TWIST1: variants seen among roughly 807,000 people sequenced by gnomAD.
The protein encoded by TWIST1 is twist family bHLH transcription factor 1.
Under a neutral mutation model 12.9 loss-of-function variants are expected in TWIST1, and 8 were observed. The observed-to-expected ratio is 0.62, with a 90% CI of 0.37 to 1.12. The LOEUF is 1.12. Ranked by LOEUF, TWIST1 falls within the 50% of genes most tolerant of loss-of-function variation. The pLI, the probability that TWIST1 is intolerant of heterozygous loss-of-function variation, is 0.02. For missense variants in TWIST1, 268 were observed against 299.7 expected (o/e 0.89, Z 0.78); for synonymous variants, 169 against 138.7 (o/e 1.22, Z -1.54).
At chr7:19,113,143 G>A (rs1488834713), downstream of TWIST1, 3 of 152,260 alleles carry the variant, frequency 2.0e-5, no homozygotes, top group South Asian at 4.1e-4. Context: ...ATGTGCTTCT[G>A]TGAACAAAAG....
chr7:19,114,716 C>G (rs182422950), downstream of TWIST1, among the ~76,000 whole-genome samples: 9 of 152,206 alleles, frequency 5.9e-5, no homozygotes, highest in East Asian at 1.2e-3. Context: ...AACTGCATAG[C>G]TGTAGTATTT....
rs1479060886 is a variant in TWIST1, at chr7:19,117,327, G to C, written c.-6C>G. 2 of 1,458,698 alleles carry C rather than the reference G, an allele frequency of 1.4e-6. No individual in the cohort carries two copies. Among genetic ancestry groups the C allele is most frequent in the East Asian group, 3.0e-5 (1 of 33,304 alleles). 90.4% of individuals were successfully genotyped at this position (1,458,698 alleles called of 1,614,324 possible). On this transcript the variant is annotated 5_prime_UTR_variant, in exon 1 of 2. Transcript: ENST00000242261. ...CTGGACACGTCCTGCATCATCTCTC[G>C]AGCGGCGACGCGTGGCCTCGCGGGC...
Position 19,116,952 on chromosome 7 carries a change from G to A in TWIST1, c.370C>T (p.Leu124=), listed in dbSNP as rs1563160034. The change falls in exon 1 of 2, where the codon CTG becomes TTG. Residue 124 remains leucine, a synonymous_variant. Transcript: ENST00000242261. The part of the protein sequence containing the change: ...NVRERQRTQS[L]NEAFAALRKI... The stretch of plus-strand genomic sequence containing the variant: ...CGCAGCGCGGCGAACGCCTCGTTCA[G>A]CGACTGGGTGCGCTGGCGCTCCCGC... 1 of 1,613,636 alleles carries A rather than the reference G, an allele frequency of 6.2e-7. No homozygotes were observed. Among genetic ancestry groups the A allele is most frequent in the East Asian group, 2.2e-5 (1 of 44,842 alleles).
chr7:19,115,344 T>C (rs1197358471), downstream of TWIST1: 1 of 152,564 alleles, frequency 6.6e-6, no homozygotes, highest in African/African-American at 2.4e-5. Flanking sequence ...CTGCTTTATT[T>C]GAGTTTTTCA....
rs2115395128 is a variant in TWIST1 at position 19,115,509 on chromosome 7, CAA to C, written c.*663_*664del. ...TATTTATTTATTGCAGAAAAATATACAAAGATATTTACAAAACAATCATAAAA... is the reference window on the plus strand; with the variant it reads ...TATTTATTTATTGCAGAAAAATATACAGATATTTACAAAACAATCATAAAA... On this transcript the variant is annotated 3_prime_UTR_variant, in exon 2 of 2. Coordinates refer to ENST00000242261, the MANE Select transcript of TWIST1 (RefSeq NM_000474.4). 1.3e-5 allele frequency: 2 copies of C among 152,582 alleles called. No individual in the cohort carries two copies. The allele number at this position is 152,582 out of a possible 1,614,324, so 9.5% of individuals were successfully genotyped here. A position where few individuals can be genotyped will look rare whatever the true frequency, so the allele number is the denominator to read the frequency against.
chr7:19,117,009 C>G lies in TWIST1; in HGVS notation c.313G>C (p.Glu105Gln). The change falls in exon 1 of 2, where the codon GAG becomes CAG. Residue 105 changes from glutamate to glutamine, a missense_variant. Physicochemically the swap from Glu to Gln is conservative, Grantham distance 29 (BLOSUM62 2). Coordinates refer to ENST00000242261, the MANE Select transcript of TWIST1 (RefSeq NM_000474.4). ...SGGGSPQSYEELQTQRVMANV... is the reference protein window; with the variant it reads ...SGGGSPQSYEQLQTQRVMANV... ...GCCATGACCCGCTGCGTCTGCAGCT[C>G]CTCGTAAGACTGCGGACTCCCGCCG... The G allele has an allele frequency of 6.3e-7, 1 of 1,587,418 alleles. No homozygotes were observed.
At chr7:19,114,704 G>T (rs893345387), downstream of TWIST1, among the ~76,000 whole-genome samples, 2 of 152,088 alleles carry the variant, frequency 1.3e-5, no homozygotes, top group African/African-American at 4.8e-5. Flanking sequence ...GAACTGACTA[G>T]TAACTGCATA....
downstream of TWIST1, among the ~76,000 whole-genome samples, chr7:19,114,458 T>G (rs543627377): frequency 6.6e-6 from 1 of 152,224 alleles, no homozygotes; most frequent in Non-Finnish European, 1.5e-5. Context: ...CCAGTTACAC[T>G]TGGATGCAGT....
chr7:19,117,347 G>C lies in TWIST1; in HGVS notation c.-26C>G, dbSNP rs1400736750. 7.0e-7 allele frequency: 1 copy of C among 1,438,212 alleles called. No individual in the cohort carries two copies. The highest frequency in any genetic ancestry group is 9.1e-7 in the Non-Finnish European group (1 of 1,094,420). 89.1% of individuals were successfully genotyped at this position (1,438,212 alleles called of 1,614,324 possible). A position where few individuals can be genotyped will look rare whatever the true frequency, so the allele number is the denominator to read the frequency against. On this transcript the variant is annotated 5_prime_UTR_variant, in exon 1 of 2. Coordinates refer to ENST00000242261, the MANE Select transcript of TWIST1 (RefSeq NM_000474.4). ...CTCTCGAGCGGCGACGCGTGGCCTC[G>C]CGGGCCCGGGGCAGAGGAGAAGAGC...
At position 19,117,236 on chromosome 7, in the gene TWIST1, G is replaced by C; in HGVS notation, c.86C>G (p.Pro29Arg). 1 of 1,421,580 alleles carries C rather than the reference G, an allele frequency of 7.0e-7. No homozygotes were observed. The highest frequency in any genetic ancestry group is 9.2e-7 in the Non-Finnish European group (1 of 1,085,060). 88.1% of individuals were successfully genotyped at this position (1,421,580 alleles called of 1,614,324 possible). The change falls in exon 1 of 2, where the codon CCG (proline) becomes CGG (arginine). Residue 29 changes from proline to arginine, a missense_variant. Physicochemically the swap from Pro to Arg is moderately radical, Grantham distance 103 (BLOSUM62 -2). This residue lies in a region of TWIST1 where 189 missense variants were observed against 172.1 expected (regional missense o/e 1.10). Transcript: ENST00000242261. ...GCGTCCCCCGCGCTTGCCGCTCGGC[G>C]GCTGCTGCCGGTCTGGCTCTTCCTC... ...NSEEEPDRQQPPSGKRGGRKR... is the reference protein window; with the variant it reads ...NSEEEPDRQQRPSGKRGGRKR...
At chr7:19,114,395 T>G (rs950327653), downstream of TWIST1, 38 of 152,322 alleles carry the variant, frequency 2.5e-4, no homozygotes, top group African/African-American at 8.2e-4. Context: ...CATACACTTA[T>G]TAGTCATTGT....
downstream of TWIST1, chr7:19,113,278 A>G (rs1393696469): frequency 6.6e-6 from 1 of 152,226 alleles, no homozygotes; most frequent in Non-Finnish European, 1.5e-5. Context: ...TCTACAATTT[A>G]CCCAAGACAA....
At position 19,117,202 on chromosome 7, in the gene TWIST1, G is replaced by A. The variant is rs1200223261; in HGVS notation, c.120C>T (p.Arg40=). The A allele has an allele frequency of 9.6e-6, 13 of 1,352,410 alleles. No homozygotes were observed. Among genetic ancestry groups the A allele is most frequent in the Non-Finnish European group, 1.1e-5 (12 of 1,043,746 alleles). The allele number at this position is 1,352,410 out of a possible 1,614,324, so 83.8% of individuals were successfully genotyped here. A position where few individuals can be genotyped will look rare whatever the true frequency, so the allele number is the denominator to read the frequency against. ...CGCCGCCCGCGCTGCGCCTGCTGCT[G>A]CGCCGCTTGCGTCCCCCGCGCTTGC... The part of the protein sequence containing the change: ...PSGKRGGRKR[R]SSRRSAGGGA... Residue 40 remains arginine, a synonymous_variant, in exon 1 of 2, where the codon CGC becomes CGT. Transcript: ENST00000242261.
Position 19,117,171 on chromosome 7 carries a change from C to G in TWIST1, c.151G>C (p.Gly51Arg), listed in dbSNP as rs1788591386. 9.0e-7 allele frequency: 1 copy of G among 1,106,670 alleles called. No individual in the cohort carries two copies. The highest frequency in any genetic ancestry group is 1.7e-5 in the African/African-American group (1 of 59,628). The allele number at this position is 1,106,670 out of a possible 1,614,324, so 68.6% of individuals were successfully genotyped here. The change falls in exon 1 of 2, where the codon GGG becomes CGG. Residue 51 changes from glycine to arginine, a missense_variant. By Grantham distance (125) the Gly-to-Arg change is moderately radical. This residue lies in a region of TWIST1 where 189 missense variants were observed against 172.1 expected (regional missense o/e 1.10). Coordinates refer to ENST00000242261, the MANE Select transcript of TWIST1 (RefSeq NM_000474.4). Reference sequence around the variant, plus strand: ...CCCCCACCCGCGGCTCCGCCGGGCCCCGCGCCGCCGCCCGCGCTGCGCCTG... The same window carrying G: ...CCCCCACCCGCGGCTCCGCCGGGCCGCGCGCCGCCGCCCGCGCTGCGCCTG... ...SSRRSAGGGA[G>R]PGGAAGGGVG...
In TWIST1 at chr7:19,117,170, C is replaced by G; in HGVS notation, c.152G>C (p.Gly51Ala). The change falls in exon 1 of 2, where the codon GGG becomes GCG. Residue 51 changes from glycine to alanine, a missense_variant. Gly to Ala is a moderately conservative substitution (Grantham distance 60). Coordinates refer to ENST00000242261, the MANE Select transcript of TWIST1 (RefSeq NM_000474.4). ...SSRRSAGGGA[G>A]PGGAAGGGVG... ...GCCCCCACCCGCGGCTCCGCCGGGC[C>G]CCGCGCCGCCGCCCGCGCTGCGCCT... is the stretch of plus-strand genomic sequence containing the variant. The G allele has an allele frequency of 2.7e-6, 3 of 1,103,642 alleles. No homozygotes were observed. The highest frequency in any genetic ancestry group is 3.3e-6 in the Non-Finnish European group (3 of 909,886). The allele number at this position is 1,103,642 out of a possible 1,614,324, so 68.4% of individuals were successfully genotyped here.
Position 19,115,873 on chromosome 7 carries a change from A to C in TWIST1, c.*301T>G, listed in dbSNP as rs996969201. 5.9e-5 allele frequency: 9 copies of C among 152,096 alleles called. No individual in the cohort carries two copies. Among genetic ancestry groups the C allele is most frequent in the East Asian group, 1.9e-4 (1 of 5,180 alleles). 9.4% of individuals were successfully genotyped at this position (152,096 alleles called of 1,614,324 possible). On this transcript the variant is annotated 3_prime_UTR_variant, in exon 2 of 2. Transcript: ENST00000242261. ...AACATTCTTCGTCAAAAAAAAAAAA[A>C]AAAAAAACACAAACAACTGTTCAGA...
chr7:19,116,817 C>A lies in TWIST1; in HGVS notation c.505G>T (p.Asp169Tyr). Residue 169 changes from aspartate (D) to tyrosine (Y), a missense_variant, in exon 1 of 2, where the codon GAC becomes TAC. Physicochemically the swap from Asp to Tyr is radical, Grantham distance 160. This residue lies in a region of TWIST1 where 79 missense variants were observed against 127.6 expected (regional missense o/e 0.62). Transcript: ENST00000242261. Reference protein sequence around the residue: ...LYQVLQSDELDSKMASCSYVA... With the variant: ...LYQVLQSDELYSKMASCSYVA... ...TAGCTGCAGCTTGCCATCTTGGAGT[C>A]CAGCTCGTCGCTCTGGAGGACCTGG... is the stretch of plus-strand genomic sequence containing the variant. The A allele has an allele frequency of 6.2e-7, 1 of 1,614,150 alleles. No individual in the cohort carries two copies. The highest frequency in any genetic ancestry group is 8.5e-7 in the Non-Finnish European group (1 of 1,180,016).
Position 19,117,158 on chromosome 7 carries a change from GCTCCGC to G in TWIST1, c.158_163del (p.Gly53_Gly54del). The G allele has an allele frequency of 4.6e-6, 5 of 1,080,344 alleles. No homozygotes were observed. Among genetic ancestry groups the G allele is most frequent in the Non-Finnish European group, 4.5e-6 (4 of 893,106 alleles). 66.9% of individuals were successfully genotyped at this position (1,080,344 alleles called of 1,614,324 possible). A position where few individuals can be genotyped will look rare whatever the true frequency, so the allele number is the denominator to read the frequency against. On this transcript the variant is annotated inframe_deletion, in exon 1 of 2. Transcript: ENST00000242261. Reference sequence around the variant, plus strand: ...GCCGCCTCCGACGCCCCCACCCGCGGCTCCGCCGGGCCCCGCGCCGCCGCCCGCGCT... The same window carrying G: ...GCCGCCTCCGACGCCCCCACCCGCGGCGGGCCCCGCGCCGCCGCCCGCGCT...
chr7:19,117,418 GGGC>G lies in TWIST1; in HGVS notation c.-100_-98del. The G allele has an allele frequency of 1.6e-6, 2 of 1,218,188 alleles. No individual in the cohort carries two copies. Among genetic ancestry groups the G allele is most frequent in the Non-Finnish European group, 2.1e-6 (2 of 974,764 alleles). The allele number at this position is 1,218,188 out of a possible 1,614,324, so 75.5% of individuals were successfully genotyped here. On this transcript the variant is annotated 5_prime_UTR_variant, in exon 1 of 2. Coordinates refer to ENST00000242261, the MANE Select transcript of TWIST1 (RefSeq NM_000474.4). ...CTTCCCCCGCGCGCGGCGCCGGCCC[GGGC>G]GATGCGGCCCGCGGAGGAGAGAGCA...
Sources: allele counts gnomAD v4.1 joint callset (sites outside exome capture counted in the v4.1 genomes callset), GRCh38; gene constraint gnomAD v4.1.1; regional missense constraint gnomAD v4.1.1; transcripts MANE v1.5; gene names NCBI Gene and HGNC (gene_info 2026-07-23, HGNC 2026-07-21).